Variants in STAU1 observed in about 807,000 individuals in gnomAD.
The protein encoded by STAU1 is staufen double-stranded RNA binding protein 1.
STAU1 carries 13 observed loss-of-function variants against 62.9 expected under a neutral mutation model. The ratio of observed to expected loss-of-function variants is 0.21; its 90% CI spans 0.13 to 0.33. The LOEUF is 0.33. Among genes scored for constraint, STAU1 ranks in the 10% least tolerant of loss-of-function variants. STAU1 has a pLI of 1.00. For missense variants in STAU1, 571 were observed against 712.1 expected (o/e 0.80, Z 2.25); for synonymous variants, 269 against 265.1 (o/e 1.01, Z -0.14).
intron 6 of STAU1, among the ~76,000 whole-genome samples, chr20:49,133,959 TAGG>T (rs1291689559): frequency 1.6e-4 from 24 of 152,112 alleles, no homozygotes; most frequent in Admixed American, 1.6e-3. Context: ...TGCTAGCACA[TAGG>T]AGGAGAAGGT....
chr20:49,204,030 T>C, the STAU1 span, among the ~76,000 whole-genome samples: 1 of 152,208 alleles, frequency 6.6e-6, no homozygotes, highest in African/African-American at 2.4e-5. Context: ...ATTTAATAAT[T>C]GCTGTTTATT....
chr20:49,164,894 CAAAAAT>C (rs2093502179), intron 3 of STAU1, among the ~76,000 whole-genome samples: 2 of 152,072 alleles, frequency 1.3e-5, no homozygotes, highest in Non-Finnish European at 1.5e-5. Context: ...TTGTTCAAAA[CAAAAAT>C]AAAAATAAAT....
chr20:49,186,293 C>A (rs577567881), intron 1 of STAU1, among the ~76,000 whole-genome samples: 1 of 151,638 alleles, frequency 6.6e-6, no homozygotes. Context: ...TTGAAATGAG[C>A]CGAAATCGCG....
the STAU1 span, among the ~76,000 whole-genome samples, chr20:49,212,615 A>ATTTTTTTTTTTTTTTTTTT: frequency 5.4e-3 from 458 of 85,134 alleles, 56 homozygotes; most frequent in African/African-American, 0.01. Flanking sequence ...AGCTATTGGA[A>ATTTTTTTTTTTTTTTTTTT]TTTTTTTTTT....
At chr20:49,215,367 T>G in the STAU1 span, among the ~76,000 whole-genome samples, 47,385 of 151,996 alleles carry the variant, frequency 0.31, 8,204 homozygotes, top group African/African-American at 0.45. Flanking sequence ...CTGGTTCTGA[T>G]ACCTACCAAC....
chr20:49,177,972 G>A (rs959561357), intron 1 of STAU1, among the ~76,000 whole-genome samples: 2 of 151,862 alleles, frequency 1.3e-5, no homozygotes, highest in Non-Finnish European at 2.9e-5. Flanking sequence ...GAGCCCAGGA[G>A]TTCAAGGCCA....
At chr20:49,165,877 G>A (rs566233522) in intron 3 of STAU1, 120 bp downstream of exon 3, 1 of 970,848 alleles carries the variant, frequency 1.0e-6, no homozygotes, top group African/African-American at 1.6e-5. Context: ...TGTGGGTGGT[G>A]ATACTTTCTT....
chr20:49,122,310 G>C (rs923273851), intron 8 of STAU1, among the ~76,000 whole-genome samples: 1 of 152,142 alleles, frequency 6.6e-6, no homozygotes, highest in Non-Finnish European at 1.5e-5. Flanking sequence ...TAAGAATTAG[G>C]AGGAAGAGGA....
At chr20:49,118,154 T>C in intron 10 of STAU1, 58 bp from the exon 11 acceptor site, 13 of 1,549,932 alleles carry the variant, frequency 8.4e-6, no homozygotes, top group Non-Finnish European at 1.2e-5. Context: ...AAAAACGCAA[T>C]GACACCATCA....
At chr20:49,198,113 G>C in the STAU1 span, among the ~76,000 whole-genome samples, 3 of 152,214 alleles carry the variant, frequency 2.0e-5, no homozygotes, top group Admixed American at 2.0e-4. Context: ...AAAAGTATAT[G>C]AGTGGCAAAT....
At chr20:49,204,594 A>T in the STAU1 span, among the ~76,000 whole-genome samples, 19 of 18,872 alleles carry the variant, frequency 1.0e-3, no homozygotes, top group East Asian at 0.011. Flanking sequence ...ATTTTACATT[A>T]TATATATATA....
chr20:49,195,535 C>CAAAAAAAAAAAA, the STAU1 span, among the ~76,000 whole-genome samples: 150 of 38,124 alleles, frequency 3.9e-3, 5 homozygotes, highest in East Asian at 7.9e-3. Context: ...GACTCCGTCT[C>CAAAAAAAAAAAA]AAAAAAAAAA....
intron 1 of STAU1, among the ~76,000 whole-genome samples, chr20:49,175,869 A>G (rs1398921536): frequency 8.1e-6 from 1 of 123,102 alleles, no homozygotes; most frequent in Admixed American, 9.4e-5. Flanking sequence ...ATCTCGGCTC[A>G]CTGCAAGCTC....
At position 49,120,146 on chromosome 20, in the gene STAU1, AAC is replaced by A; in HGVS notation, c.967-20_967-19del. 1 of 1,607,496 alleles carries A rather than the reference AAC, an allele frequency of 6.2e-7. No homozygotes were observed. Among genetic ancestry groups the A allele is most frequent in the Non-Finnish European group, 8.5e-7 (1 of 1,175,328 alleles). On this transcript the variant is annotated intron_variant, in intron 8 of 13. Coordinates refer to ENST00000371856, the MANE Select transcript of STAU1 (RefSeq NM_017453.4). Reference sequence around the variant, plus strand: ...ACCTTCACCTGCACAAAGAAGTCAAAACACAGACCAGTGCTTAAACCTTCAGA... The same window carrying A: ...ACCTTCACCTGCACAAAGAAGTCAAAACAGACCAGTGCTTAAACCTTCAGA...
intron 3 of STAU1, 139 bp from the exon 4 acceptor site, chr20:49,154,210 G>T: frequency 1.3e-6 from 1 of 789,480 alleles, no homozygotes; most frequent in Non-Finnish European, 2.0e-6. Flanking sequence ...TCACTGCTAG[G>T]CATCAGACAA....
At chr20:49,148,539 G>A (rs916665233) in intron 5 of STAU1, among the ~76,000 whole-genome samples, 1 of 152,220 alleles carries the variant, frequency 6.6e-6, no homozygotes, top group South Asian at 2.1e-4. Flanking sequence ...CTGAATTAAT[G>A]ACTCTTCACT....
At chr20:49,140,227 C>T (rs888640090) in intron 5 of STAU1, among the ~76,000 whole-genome samples, 1 of 151,408 alleles carries the variant, frequency 6.6e-6, no homozygotes, top group African/African-American at 2.4e-5. Flanking sequence ...TAAAATGGTA[C>T]AGTTGCTATG....
intron 1 of STAU1, among the ~76,000 whole-genome samples, chr20:49,181,351 C>T (rs1294089265): frequency 6.6e-6 from 1 of 152,160 alleles, no homozygotes; most frequent in Admixed American, 6.6e-5. Flanking sequence ...TGTCCTTACA[C>T]ATAAACATCT....
chr20:49,196,444 C>CAA, the STAU1 span, among the ~76,000 whole-genome samples: 897 of 91,508 alleles, frequency 9.8e-3, 14 homozygotes, highest in African/African-American at 0.03. Flanking sequence ...CAAAACAAAA[C>CAA]AAAAAAAAAA....
Sources: allele counts gnomAD v4.1 joint callset (sites outside exome capture counted in the v4.1 genomes callset), GRCh38; gene constraint gnomAD v4.1.1; transcripts MANE v1.5; gene names NCBI Gene and HGNC (gene_info 2026-07-23, HGNC 2026-07-21).